SMURF2: variants seen among roughly 807,000 people sequenced by gnomAD.
SMURF2 encodes the protein SMAD specific E3 ubiquitin protein ligase 2, also known as E3 ubiquitin-protein ligase SMURF2.
A neutral mutation model predicts 109.6 loss-of-function variants in SMURF2; 48 were observed. That is an observed-to-expected ratio of 0.44 (90% CI 0.35 to 0.56). SMURF2 has a LOEUF of 0.56. Among genes scored for constraint, SMURF2 ranks in the 20% least tolerant of loss-of-function variants. The pLI, the probability that SMURF2 is intolerant of heterozygous loss-of-function variation, is 0.01. For missense variants in SMURF2, 575 were observed against 909.0 expected, an observed-to-expected ratio of 0.63 and a Z score of 4.72; for synonymous variants, 288 against 317.1, an observed-to-expected ratio of 0.91 and a Z score of 0.97.
At position 64,637,923 on chromosome 17, in the gene SMURF2, C is replaced by CAAAAAAAAAAAAA. The variant is rs59701513; in HGVS notation, c.52+23893_52+23905dup. Among the ~76,000 whole-genome samples the CAAAAAAAAAAAAA allele has an allele frequency of 3.7e-4, 27 of 72,538 alleles. 1 individual carries two copies. The highest frequency in any genetic ancestry group is 2.4e-3 in the South Asian group (5 of 2,060). The allele number at this position is 72,538 out of a possible 152,430, so 47.6% of individuals were successfully genotyped here. A position where few individuals can be genotyped will look rare whatever the true frequency, so the allele number is the denominator to read the frequency against. ...CATTGAATGGTTTTGGCGCCCTAGT[C>CAAAAAAAAAAAAA]AAAAAAAAAAAAAAAAAAAATCAAC... is the stretch of plus-strand genomic sequence containing the variant. On this transcript the variant is annotated intron_variant, in intron 1 of 18. Transcript: ENST00000262435.
chr17:64,584,806 G>A (rs1277838945), intron 6 of SMURF2, among the ~76,000 whole-genome samples: 10 of 152,018 alleles, frequency 6.6e-5, no homozygotes, highest in African/African-American at 1.9e-4. Context: ...GAGATGCTAG[G>A]GTATTTTCCC....
At chr17:64,555,518 T>C (rs1555683960) in intron 14 of SMURF2, among the ~76,000 whole-genome samples, 1 of 152,110 alleles carries the variant, frequency 6.6e-6, no homozygotes, top group African/African-American at 2.4e-5. Context: ...AATTTGCTAT[T>C]CTAACACACG....
At chr17:64,604,345 T>A (rs1969940802) in intron 2 of SMURF2, among the ~76,000 whole-genome samples, 1 of 152,200 alleles carries the variant, frequency 6.6e-6, no homozygotes, top group Admixed American at 6.5e-5. Context: ...AGAATTTTTA[T>A]CAATTTTTAC....
Position 64,561,612 on chromosome 17 carries a change from A to C in SMURF2, c.1213-9T>G. On this transcript the variant is annotated splice_polypyrimidine_tract_variant and intron_variant, in intron 11 of 18. Coordinates refer to ENST00000262435, the MANE Select transcript of SMURF2 (RefSeq NM_022739.4). Reference sequence around the variant, plus strand: ...ACCTGTCGATATGATTCCTGAAAAAAATAATTTTTAATACCCTATTACTAT... The same window carrying C: ...ACCTGTCGATATGATTCCTGAAAAACATAATTTTTAATACCCTATTACTAT... The C allele has an allele frequency of 6.4e-7, 1 of 1,565,166 alleles. No individual in the cohort carries two copies. The highest frequency in any genetic ancestry group is 2.2e-5 in the East Asian group (1 of 44,638).
At chr17:64,621,987 A>ATAAT (rs1555690691) in intron 1 of SMURF2, among the ~76,000 whole-genome samples, 1,608 of 132,490 alleles carry the variant, frequency 0.012, 36 homozygotes, top group African/African-American at 0.041. Context: ...AATAATAATA[A>ATAAT]AAAAAAGCAC....
chr17:64,547,723 T>C lies in SMURF2; in HGVS notation c.1948A>G (p.Ser650Gly). 6.2e-7 allele frequency: 1 copy of C among 1,614,250 alleles called. No homozygotes were observed. Among genetic ancestry groups the C allele is most frequent in the Non-Finnish European group, 8.5e-7 (1 of 1,180,042 alleles). The change falls in exon 17 of 19, where the codon AGC (serine) becomes GGC (glycine). Residue 650 changes from serine (S) to glycine (G), a missense_variant. Around this residue, in one of 5 missense-constraint regions of SMURF2, gnomAD observed 361 missense variants for 612.1 expected, o/e 0.59. Transcript: ENST00000262435. This position sits in a 1 kb window ranked among gnomAD's most constrained non-coding sequence, Gnocchi z 4.2. ...NTRLKHCTPDSNIVKWFWKAV... is the reference protein window; with the variant it reads ...NTRLKHCTPDGNIVKWFWKAV... ...TTCCAGAACCATTTGACAATGTTGC[T>C]GTCTGGTGTACAGTGTTTTAACCGG...
intron 1 of SMURF2, among the ~76,000 whole-genome samples, chr17:64,633,284 A>C (rs1742598461): frequency 2.0e-5 from 3 of 152,180 alleles, no homozygotes; most frequent in South Asian, 4.1e-4. Context: ...ACAAAACAAA[A>C]CAAAAAAACA....
rs185814810 is a variant in SMURF2, at chr17:64,562,640, A to C, written c.1212+131T>G. 5.0e-6 allele frequency: 4 copies of C among 805,322 alleles called. No homozygotes were observed. In the Admixed American group the frequency reaches 1.1e-4, roughly 23 times the overall value. The allele number at this position is 805,322 out of a possible 1,614,324, so 49.9% of individuals were successfully genotyped here. On this transcript the variant is annotated intron_variant, in intron 11 of 18. Transcript: ENST00000262435. The stretch of plus-strand genomic sequence containing the variant: ...TGATCCGCCCACCTCAGCCTCCCAA[A>C]GTGCTGGGATTACAGGCGTGAGCCA...
At chr17:64,559,584 T>C (rs905161843) in intron 12 of SMURF2, among the ~76,000 whole-genome samples, 2 of 150,724 alleles carry the variant, frequency 1.3e-5, no homozygotes, top group African/African-American at 4.9e-5. Flanking sequence ...AGAGTGAGAT[T>C]CCATCTCAAA....
intron 1 of SMURF2, among the ~76,000 whole-genome samples, chr17:64,612,139 T>G (rs1445293825): frequency 6.6e-6 from 1 of 152,184 alleles, no homozygotes; most frequent in Non-Finnish European, 1.5e-5. Context: ...CACATTTTAC[T>G]GTTCTCGTTT....
chr17:64,581,691 T>A lies in SMURF2; in HGVS notation c.570-700A>T, dbSNP rs1010937304. On this transcript the variant is annotated intron_variant, in intron 7 of 18. Transcript: ENST00000262435. The surrounding 1 kb of genome is among the most constrained non-coding windows in gnomAD (Gnocchi z 4.3). ...AGGGTATGGTGGCTCACACCTGTAATCCCAGCACTTTGGGAGACCGAAGCG... is the reference window on the plus strand; with the variant it reads ...AGGGTATGGTGGCTCACACCTGTAAACCCAGCACTTTGGGAGACCGAAGCG... Among the ~76,000 whole-genome samples the A allele has an allele frequency of 6.6e-6, 1 of 152,154 alleles. No homozygotes were observed. The highest frequency in any genetic ancestry group is 1.5e-5 in the Non-Finnish European group (1 of 68,022).
At chr17:64,642,326 T>G (rs1246366471) in intron 1 of SMURF2, among the ~76,000 whole-genome samples, 1 of 152,216 alleles carries the variant, frequency 6.6e-6, no homozygotes, top group Admixed American at 6.5e-5. Flanking sequence ...TAATTGGCCT[T>G]ATAATCTCTA....
rs575354907 is a variant in SMURF2 at position 64,555,765 on chromosome 17, A to T, written c.1610+55T>A. ...TTTAAGTACATCAGTTTTGAAACATATTTTTTTTTAAAGCTCAGAGTTTAT... is the reference window on the plus strand; with the variant it reads ...TTTAAGTACATCAGTTTTGAAACATTTTTTTTTTTAAAGCTCAGAGTTTAT... On this transcript the variant is annotated intron_variant, in intron 14 of 18. Coordinates refer to ENST00000262435, the MANE Select transcript of SMURF2 (RefSeq NM_022739.4). 5,972 of 1,238,542 alleles carry T rather than the reference A, an allele frequency of 4.8e-3. 20 individuals carry two copies. The highest frequency in any genetic ancestry group is 6.2e-3 in the Non-Finnish European group (5,625 of 905,252). 76.7% of individuals were successfully genotyped at this position (1,238,542 alleles called of 1,614,324 possible).
intron 1 of SMURF2, among the ~76,000 whole-genome samples, chr17:64,620,445 G>A (rs1417014012): frequency 6.6e-6 from 1 of 152,118 alleles, no homozygotes; most frequent in Non-Finnish European, 1.5e-5. Flanking sequence ...AATGATTCCT[G>A]TTTTCTCTCT....
intron 1 of SMURF2, among the ~76,000 whole-genome samples, chr17:64,612,516 A>G (rs1440267291): frequency 6.6e-6 from 1 of 151,736 alleles, no homozygotes. Flanking sequence ...ATACAAAAAA[A>G]AAAAAAAATT....
chr17:64,568,030 A>G (rs573492601), intron 10 of SMURF2, among the ~76,000 whole-genome samples: 106 of 151,388 alleles, frequency 7.0e-4, no homozygotes, highest in Non-Finnish European at 1.2e-3. Context: ...ATTTTTTTGT[A>G]TTTTTAGTAG....
Position 64,605,744 on chromosome 17 carries a change from AATATATATATATATAT to A in SMURF2, c.91+842_91+857del, listed in dbSNP as rs71158333. 2.5e-4 allele frequency among the ~76,000 whole-genome samples: 25 copies of A among 99,102 alleles called. 1 individual carries two copies. The highest frequency in any genetic ancestry group is 3.7e-4 in the Admixed American group (3 of 8,032). 65.0% of individuals were successfully genotyped at this position (99,102 alleles called of 152,430 possible). On this transcript the variant is annotated intron_variant, in intron 2 of 18. Transcript: ENST00000262435. Reference sequence around the variant, plus strand: ...AGGGCAAGATCCTGTCTCTAAAAAGAATATATATATATATATATATATATATATATATCTTATTTCT... The same window carrying A: ...AGGGCAAGATCCTGTCTCTAAAAAGAATATATATATATATATCTTATTTCT...
At chr17:64,611,646 C>T (rs576274237) in intron 1 of SMURF2, among the ~76,000 whole-genome samples, 7 of 152,186 alleles carry the variant, frequency 4.6e-5, no homozygotes, top group Non-Finnish European at 1.0e-4. Context: ...CCGATGCCAA[C>T]ACCTTAGTCC....
At chr17:64,603,583 G>A (rs371017906) in intron 2 of SMURF2, among the ~76,000 whole-genome samples, 7,285 of 120,234 alleles carry the variant, frequency 0.061, 292 homozygotes, top group Admixed American at 0.17. Flanking sequence ...TCCGTCGGGG[G>A]AAAAAAAAAA....
Sources: gnomAD v4.1 joint callset for allele counts (sites outside exome capture counted in the v4.1 genomes callset) on GRCh38, gnomAD v4.1.1 for gene constraint, gnomAD v4.1.1 regional missense constraint, Gnocchi (gnomAD v3.1) non-coding constraint, MANE v1.5 for transcripts, NCBI Gene and HGNC (gene_info 2026-07-23, HGNC 2026-07-21) for gene names.